Variants in ZFYVE26 observed in about 807,000 individuals in gnomAD.
ZFYVE26 encodes the protein zinc finger FYVE-type containing 26, also known as zinc finger FYVE domain-containing protein 26.
In ZFYVE26, 181 loss-of-function variants were observed where a neutral mutation model predicts 276.5. The observed-to-expected ratio is 0.65, with a 90% CI of 0.58 to 0.74. ZFYVE26 has a LOEUF of 0.74. ZFYVE26 is among the 30% of genes least tolerant of loss of function. ZFYVE26 has a pLI of 0.00. For missense variants in ZFYVE26, 2,821 were observed against 3,097.9 expected, an observed-to-expected ratio of 0.91 and a Z score of 2.12; for synonymous variants, 1,129 against 1,203.1, an observed-to-expected ratio of 0.94 and a Z score of 1.27.
chr14:67,787,544 C>T (rs10132318), intron 16 of ZFYVE26, among the ~76,000 whole-genome samples: 96,996 of 151,994 alleles, frequency 0.64, 31,539 homozygotes, highest in East Asian at 0.92. Flanking sequence ...GATTGTTAAG[C>T]ATTGTGTGCC....
chr14:67,761,519 A>C lies in ZFYVE26; in HGVS notation c.6435T>G (p.Ser2145=), dbSNP rs1201831215. ...TTTTCCCTTCAGGAATCACTGCCAG[A>C]GAAAGGCTCTGCGTCCGAAGGGTAG... ...LEATLRTQSL[S]LAVIPEGKIM... The change falls in exon 35 of 42, where the codon TCT becomes TCG. Residue 2145 remains serine (S), a synonymous_variant. Coordinates refer to ENST00000347230, the MANE Select transcript of ZFYVE26 (RefSeq NM_015346.4). 7 of 1,614,118 alleles carry C rather than the reference A, an allele frequency of 4.3e-6. No individual in the cohort carries two copies. The highest frequency in any genetic ancestry group is 1.3e-5 in the African/African-American group (1 of 74,944).
At chr14:67,751,142 AG>A in intron 40 of ZFYVE26, 46 bp from the exon 41 acceptor site, 1 of 1,611,684 alleles carries the variant, frequency 6.2e-7, no homozygotes, top group African/African-American at 1.3e-5. Context: ...AGAGTCCCGC[AG>A]TCTGGGAGCC....
chr14:67,785,923 T>A lies in ZFYVE26; in HGVS notation c.3239A>T (p.His1080Leu), dbSNP rs747179088. The A allele has an allele frequency of 2.4e-5, 38 of 1,614,076 alleles. No individual in the cohort carries two copies. The highest frequency in any genetic ancestry group is 1.6e-4 in the Middle Eastern group (1 of 6,084). ...PSLSEDCVAS[H>L]TTLSQQLDQV... ...ATCTAGCTGCTGGGAGAGGGTGGTG[T>A]GGCTGGCAACACAGTCCTCGCTTAG... Residue 1080 changes from histidine (H) to leucine (L), a missense_variant, in exon 18 of 42, where the codon CAC (histidine) becomes CTC (leucine). His to Leu is a moderately conservative substitution (Grantham distance 99). Transcript: ENST00000347230.
rs748143734 is a variant in ZFYVE26, at chr14:67,748,388, C to A, written c.*48G>T. 6.3e-7 allele frequency: 1 copy of A among 1,589,846 alleles called. No homozygotes were observed. The highest frequency in any genetic ancestry group is 8.6e-7 in the Non-Finnish European group (1 of 1,164,672). The stretch of plus-strand genomic sequence containing the variant: ...GAGGTGGAGGGCATCGCCATCACTG[C>A]TGTTGCCCAGCTCTCAGGCCACGTG... On this transcript the variant is annotated 3_prime_UTR_variant, in exon 42 of 42. Coordinates refer to ENST00000347230, the MANE Select transcript of ZFYVE26 (RefSeq NM_015346.4).
Position 67,766,208 on chromosome 14 carries a change from G to C in ZFYVE26, c.6011+19C>G. On this transcript the variant is annotated intron_variant, in intron 32 of 41. Coordinates refer to ENST00000347230, the MANE Select transcript of ZFYVE26 (RefSeq NM_015346.4). Reference sequence around the variant, plus strand: ...GAAACTGCTCCTGTGTAAAAGAATAGAGACCCACTGCCCTCTACCTGTCAC... The same window carrying C: ...GAAACTGCTCCTGTGTAAAAGAATACAGACCCACTGCCCTCTACCTGTCAC... 1 of 1,612,774 alleles carries C rather than the reference G, an allele frequency of 6.2e-7. No individual in the cohort carries two copies.
At chr14:67,809,417 T>C in intron 3 of ZFYVE26, 128 bp from the exon 4 acceptor site, 1 of 569,640 alleles carries the variant, frequency 1.8e-6, no homozygotes, top group South Asian at 2.2e-5. Context: ...TCTTTTTTTT[T>C]TTTTTTTTTT....
rs1451943411 is a variant in ZFYVE26, at chr14:67,799,441, G to A, written c.1640-819C>T. On this transcript the variant is annotated intron_variant, in intron 10 of 41. Coordinates refer to ENST00000347230, the MANE Select transcript of ZFYVE26 (RefSeq NM_015346.4). The stretch of plus-strand genomic sequence containing the variant: ...CCAAAGAAGCAGAAACGAGCAGAAA[G>A]GAGTTGGGGCTTGATGAAGGCGTGG... The A allele has an allele frequency of 1.8e-5, 29 of 1,612,090 alleles. No homozygotes were observed. In the East Asian group the frequency reaches 6.5e-4, roughly 36 times the overall value.
intron 14 of ZFYVE26, among the ~76,000 whole-genome samples, chr14:67,792,678 G>A (rs1393357190): frequency 6.6e-6 from 1 of 152,038 alleles, no homozygotes; most frequent in Non-Finnish European, 1.5e-5. Flanking sequence ...TTGGGATGCC[G>A]AGGCGGGTGG....
chr14:67,743,698 G>T (rs1454515583), downstream of ZFYVE26, among the ~76,000 whole-genome samples: 1 of 152,144 alleles, frequency 6.6e-6, no homozygotes, highest in Admixed American at 6.5e-5. Flanking sequence ...AGGCAGATCT[G>T]GTGTGGGAAA....
exon 14 of ZFYVE26, chr14:67,729,255 C>T: frequency 6.2e-7 from 1 of 1,609,256 alleles, no homozygotes; most frequent in Non-Finnish European, 8.5e-7. Context: ...TCCGGCACTC[C>T]TCCCTGCTCT....
At chr14:67,735,409 C>A in intron 13 of ZFYVE26, 1 of 652,330 alleles carries the variant, frequency 1.5e-6, no homozygotes. Flanking sequence ...AAAGACTTGC[C>A]GCAAGTTAAC....
rs1448310955 is a variant in ZFYVE26, at chr14:67,784,982, T to C, written c.3523+77A>G. 6 of 1,462,488 alleles carry C rather than the reference T, an allele frequency of 4.1e-6. No homozygotes were observed. The African/African-American group carries it at 4.2e-5, about 10-fold the overall frequency. The allele number at this position is 1,462,488 out of a possible 1,614,324, so 90.6% of individuals were successfully genotyped here. On this transcript the variant is annotated intron_variant, in intron 19 of 41. Transcript: ENST00000347230. ...TACTGCTGTATCCAGAGCCTTTCAATTGTGCATCTTTTCTCTTCCTTGCCC... is the reference window on the plus strand; with the variant it reads ...TACTGCTGTATCCAGAGCCTTTCAACTGTGCATCTTTTCTCTTCCTTGCCC...
chr14:67,803,594 C>T (rs141949798), intron 9 of ZFYVE26, among the ~76,000 whole-genome samples: 14,785 of 152,194 alleles, frequency 0.097, 969 homozygotes, highest in Middle Eastern at 0.24. Flanking sequence ...CCACCTGCCT[C>T]GGCCTCCCAA....
At chr14:67,809,420 T>TA (rs2040250177) in intron 3 of ZFYVE26, 131 bp from the exon 4 acceptor site, 1 of 584,822 alleles carries the variant, frequency 1.7e-6, no homozygotes, top group South Asian at 2.2e-5. Context: ...TTTTTTTTTT[T>TA]TTTTTTTTTT....
chr14:67,755,301 G>A (rs2038750124), intron 36 of ZFYVE26, 51 bp from the exon 37 acceptor site: 1 of 1,599,106 alleles, frequency 6.3e-7, no homozygotes, highest in Non-Finnish European at 8.6e-7. Context: ...GGGTTTGGAG[G>A]GTGGGGTGTG....
chr14:67,808,199 C>A (rs1226702741), intron 4 of ZFYVE26, among the ~76,000 whole-genome samples: 1 of 152,136 alleles, frequency 6.6e-6, no homozygotes, highest in Admixed American at 6.5e-5. Context: ...TTGCCCAGGG[C>A]CTCCATGCTC....
intron 23 of ZFYVE26, among the ~76,000 whole-genome samples, chr14:67,779,187 C>A (rs1237070159): frequency 6.6e-6 from 1 of 152,120 alleles, no homozygotes. Flanking sequence ...AACAGATATT[C>A]AAATTTATTA....
At chr14:67,807,308 C>A in intron 5 of ZFYVE26, 90 bp downstream of exon 5, 2 of 1,570,398 alleles carry the variant, frequency 1.3e-6, no homozygotes, top group East Asian at 4.5e-5. Flanking sequence ...ATGTCCTGAG[C>A]CACACGGAAG....
At chr14:67,806,768 C>A in intron 5 of ZFYVE26, 93 bp from the exon 6 acceptor site, 30 of 1,524,148 alleles carry the variant, frequency 2.0e-5, no homozygotes, top group Non-Finnish European at 2.5e-5. Context: ...TGAGAGTTTG[C>A]TCTTTTAAAA....
Sources: gnomAD v4.1 joint callset for allele counts (sites outside exome capture counted in the v4.1 genomes callset) on GRCh38, gnomAD v4.1.1 for gene constraint, MANE v1.5 for transcripts, NCBI Gene and HGNC (gene_info 2026-07-23, HGNC 2026-07-21) for gene names.